Variants in SULF1 observed in about 807,000 individuals in gnomAD.
SULF1 encodes the protein extracellular sulfatase Sulf-1.
A neutral mutation model predicts 110.5 loss-of-function variants in SULF1; 46 were observed. The ratio of observed to expected loss-of-function variants is 0.42; its 90% CI spans 0.33 to 0.53. The LOEUF (loss-of-function observed/expected upper bound fraction) is 0.53, where lower values mean the gene tolerates loss of function less well. Ranked by LOEUF, SULF1 falls within the 20% of genes least tolerant of loss-of-function variation. The pLI is 0.12. For synonymous variants in SULF1, 371 were observed against 387.1 expected, an observed-to-expected ratio of 0.96 and a Z score of 0.49; for missense variants, 941 against 1,094.2, an observed-to-expected ratio of 0.86 and a Z score of 1.98.
intron 5 of SULF1, among the ~76,000 whole-genome samples, chr8:69,571,865 A>G (rs188005847): frequency 2.6e-4 from 39 of 152,360 alleles, no homozygotes; most frequent in Middle Eastern, 3.4e-3. Context: ...AAGGTGCTCG[A>G]TGCTTTCCTT....
chr8:69,555,157 T>G (rs2150702400), intron 3 of SULF1, among the ~76,000 whole-genome samples: 1 of 152,252 alleles, frequency 6.6e-6, no homozygotes, highest in East Asian at 1.9e-4. Context: ...ATCTCCATAA[T>G]TTGCCTTGAG....
At chr8:69,650,837 T>C (rs1235716538) in intron 22 of SULF1, among the ~76,000 whole-genome samples, 1 of 152,156 alleles carries the variant, frequency 6.6e-6, no homozygotes, top group Non-Finnish European at 1.5e-5. Context: ...TAAAAGCATG[T>C]TCCAGGTTCA....
At chr8:69,596,015 C>G (rs1563567234) in intron 8 of SULF1, among the ~76,000 whole-genome samples, 1 of 152,158 alleles carries the variant, frequency 6.6e-6, no homozygotes, top group Non-Finnish European at 1.5e-5. Context: ...AAATCAAACA[C>G]TCAGGAGAAT....
At chr8:69,488,636 T>C (rs1049375202), upstream of SULF1, among the ~76,000 whole-genome samples, 3 of 152,142 alleles carry the variant, frequency 2.0e-5, no homozygotes, top group Non-Finnish European at 4.4e-5. Flanking sequence ...TCTTTTTCTA[T>C]TCAGCCTCCT....
chr8:69,491,553 CTT>C (rs914760474), upstream of SULF1, among the ~76,000 whole-genome samples: 6 of 152,334 alleles, frequency 3.9e-5, 1 homozygote, highest in Admixed American at 3.3e-4. Context: ...AGTAAGCTGA[CTT>C]GAGTAAAGTT....
At chr8:69,637,175 G>C (rs1811105481) in intron 19 of SULF1, among the ~76,000 whole-genome samples, 1 of 152,162 alleles carries the variant, frequency 6.6e-6, no homozygotes, top group South Asian at 2.1e-4. Context: ...AATGACCATA[G>C]AAGGGTCGAC....
chr8:69,513,327 C>T (rs1811705188), intron 3 of SULF1, among the ~76,000 whole-genome samples: 1 of 152,120 alleles, frequency 6.6e-6, no homozygotes. Context: ...GAAATAGAGC[C>T]AGAAATAAAT....
At position 69,623,409 on chromosome 8, in the gene SULF1, C is replaced by T. The variant is rs558828813; in HGVS notation, c.1595-533C>T. Among the ~76,000 whole-genome samples the T allele has an allele frequency of 3.9e-5, 6 of 152,172 alleles. No individual in the cohort carries two copies. The South Asian group carries it at 6.2e-4, about 16-fold the overall frequency. On this transcript the variant is annotated intron_variant, in intron 14 of 22. Coordinates refer to ENST00000402687, the MANE Select transcript of SULF1 (RefSeq NM_001128205.2). ...TCTCGTCCATAAAATAAGGATGAAC[C>T]GGTATTGACAATCTGATGTTTTTGT...
intron 4 of SULF1, 46 bp from the exon 5 acceptor site, chr8:69,563,870 G>C (rs1314394436): frequency 8.6e-7 from 1 of 1,169,424 alleles, no homozygotes. Flanking sequence ...TTGGAGTTTG[G>C]ATTTCATTTT....
chr8:69,638,327 A>G, intron 19 of SULF1, 175 bp from the exon 20 acceptor site: 1 of 739,366 alleles, frequency 1.4e-6, no homozygotes, highest in Non-Finnish European at 2.1e-6. Flanking sequence ...CTAGTTTCAC[A>G]GCAAATTTAC....
intron 13 of SULF1, among the ~76,000 whole-genome samples, chr8:69,612,936 A>G (rs558198429): frequency 1.6e-4 from 25 of 152,256 alleles, no homozygotes; most frequent in Admixed American, 9.2e-4. Context: ...GCCTAAGCCA[A>G]TGTCTAGAAG....
chr8:69,531,720 T>C (rs1413795587), intron 3 of SULF1, among the ~76,000 whole-genome samples: 7 of 152,228 alleles, frequency 4.6e-5, no homozygotes, highest in Non-Finnish European at 7.3e-5. Flanking sequence ...ACCACAGAAG[T>C]ATTTTTTTAT....
intron 3 of SULF1, among the ~76,000 whole-genome samples, chr8:69,543,220 G>GTTT (rs1425603549): frequency 6.6e-6 from 1 of 151,966 alleles, no homozygotes; most frequent in Non-Finnish European, 1.5e-5. Context: ...TGTTGTTGTT[G>GTTT]TTTATTTCTT....
chr8:69,622,742 A>G (rs1352178310), intron 14 of SULF1, among the ~76,000 whole-genome samples: 1 of 152,202 alleles, frequency 6.6e-6, no homozygotes, highest in Non-Finnish European at 1.5e-5. Flanking sequence ...TTGATTTTTC[A>G]GTATTAGGCA....
intron 3 of SULF1, among the ~76,000 whole-genome samples, chr8:69,528,613 A>C (rs2150634606): frequency 6.6e-6 from 1 of 152,330 alleles, no homozygotes; most frequent in African/African-American, 2.4e-5. Flanking sequence ...CAACTTTTGG[A>C]CATACAACTC....
chr8:69,587,985 A>G (rs1234183625), intron 7 of SULF1, among the ~76,000 whole-genome samples: 4 of 152,170 alleles, frequency 2.6e-5, no homozygotes, highest in Admixed American at 2.6e-4. Context: ...GGCACACACC[A>G]TCCCTCTGAT....
chr8:69,589,244 A>C (rs1182771461), intron 8 of SULF1, 103 bp downstream of exon 8: 2 of 1,154,582 alleles, frequency 1.7e-6, no homozygotes, highest in Non-Finnish European at 2.4e-6. Flanking sequence ...CTGCGTATCC[A>C]CAAGGCTTTC....
At position 69,565,059 on chromosome 8, in the gene SULF1, T is replaced by C. The variant is rs552613379; in HGVS notation, c.172+912T>C. Among the ~76,000 whole-genome samples the C allele has an allele frequency of 1.3e-4, 20 of 152,332 alleles. 1 individual carries two copies. In the South Asian group the frequency reaches 4.2e-3, roughly 32 times the overall value. The stretch of plus-strand genomic sequence containing the variant: ...GCTCAGGTTCTTGAGGATAAAACTC[T>C]TCACGCTGGCACTTGGTCTCCATGG... On this transcript the variant is annotated intron_variant, in intron 5 of 22. Transcript: ENST00000402687.
intron 22 of SULF1, among the ~76,000 whole-genome samples, chr8:69,646,315 C>T (rs1811904795): frequency 6.6e-6 from 1 of 152,150 alleles, no homozygotes; most frequent in African/African-American, 2.4e-5. Flanking sequence ...GGACCAGTTG[C>T]TAACAGTATT....
Sources: allele counts gnomAD v4.1 joint callset (sites outside exome capture counted in the v4.1 genomes callset), GRCh38; gene constraint gnomAD v4.1.1; transcripts MANE v1.5; gene names NCBI Gene and HGNC (gene_info 2026-07-23, HGNC 2026-07-21).